Variants in RBFOX3 observed in about 807,000 individuals in gnomAD.
The protein encoded by RBFOX3 is RNA binding protein fox-1 homolog 3.
RBFOX3 carries 17 observed loss-of-function variants against 48.7 expected under a neutral mutation model. That is an observed-to-expected ratio of 0.35 (90% CI 0.24 to 0.52). The LOEUF (loss-of-function observed/expected upper bound fraction) is 0.52. RBFOX3 is among the 20% of genes least tolerant of loss of function. The pLI is 0.94. For synonymous variants in RBFOX3, 212 were observed against 209.5 expected (o/e 1.01, Z -0.10); for missense variants, 382 against 497.5 (o/e 0.77, Z 2.21).
In RBFOX3 at chr17:79,248,571, C is replaced by T. The variant is rs73999913; in HGVS notation, c.-73-12766G>A. 6.8e-3 allele frequency among the ~76,000 whole-genome samples: 1,039 copies of T among 152,342 alleles called. 16 individuals are homozygous for T. The highest frequency in any genetic ancestry group is 0.023 in the African/African-American group (967 of 41,578). ...CACTCCCCAACCTAAGCTAGTTTCCCTGGGAGGTAACGATTTTTGAAACAA... is the reference window on the plus strand; with the variant it reads ...CACTCCCCAACCTAAGCTAGTTTCCTTGGGAGGTAACGATTTTTGAAACAA... On this transcript the variant is annotated intron_variant, in intron 3 of 14. Coordinates refer to ENST00000693108, the MANE Select transcript of RBFOX3 (RefSeq NM_001350451.2).
At chr17:79,238,864 C>T (rs765914114) in intron 3 of RBFOX3, among the ~76,000 whole-genome samples, 8 of 152,128 alleles carry the variant, frequency 5.3e-5, no homozygotes, top group Non-Finnish European at 1.2e-4. Flanking sequence ...TTGAAAGCTC[C>T]AGAACTAGAG....
the RBFOX3 span, among the ~76,000 whole-genome samples, chr17:79,618,707 C>T: frequency 1.6e-4 from 24 of 152,296 alleles, no homozygotes; most frequent in South Asian, 1.5e-3. Context: ...CATCTGGATA[C>T]GCGCTGGAAA....
chr17:79,165,783 TA>T lies in RBFOX3; in HGVS notation c.-33-50036del, dbSNP rs2047874572. ...AAGTCAGGCCAGGTCACAGGATCAT[TA>T]GGGGCTGAGTCCTGGTTTGGGGGTC... On this transcript the variant is annotated intron_variant, in intron 4 of 14. Coordinates refer to ENST00000693108, the MANE Select transcript of RBFOX3 (RefSeq NM_001350451.2). Among the ~76,000 whole-genome samples, 4 of 152,170 alleles carry T rather than the reference TA, an allele frequency of 2.6e-5. 1 individual carries two copies. Among genetic ancestry groups the T allele is most frequent in the Admixed American group, 6.5e-5 (1 of 15,288 alleles).
intron 2 of RBFOX3, among the ~76,000 whole-genome samples, chr17:79,380,760 C>T (rs547683087): frequency 4.6e-5 from 7 of 152,242 alleles, no homozygotes; most frequent in East Asian, 1.9e-4. Flanking sequence ...GTTCTACCTG[C>T]GTGCTCTGGT....
At chr17:79,262,421 A>G (rs2065937901) in intron 3 of RBFOX3, among the ~76,000 whole-genome samples, 1 of 152,272 alleles carries the variant, frequency 6.6e-6, no homozygotes, top group African/African-American at 2.4e-5. Flanking sequence ...CCCTGCCAGG[A>G]CTTGCACATT....
intron 2 of RBFOX3, among the ~76,000 whole-genome samples, chr17:79,455,661 A>G (rs1187064543): frequency 6.6e-6 from 1 of 152,094 alleles, no homozygotes; most frequent in Non-Finnish European, 1.5e-5. Flanking sequence ...ACATTCATTC[A>G]CACACACACT....
chr17:79,233,888 T>G (rs965577099), intron 4 of RBFOX3: 3 of 152,322 alleles, frequency 2.0e-5, no homozygotes, highest in Admixed American at 6.5e-5. Flanking sequence ...ATTACAGGCG[T>G]GAGCCACCGC....
intron 4 of RBFOX3, among the ~76,000 whole-genome samples, chr17:79,211,920 G>A (rs112352016): frequency 3.7e-4 from 56 of 152,240 alleles, no homozygotes; most frequent in African/African-American, 1.3e-3. Context: ...TGCTGGGCAC[G>A]GGGATACGTG....
At chr17:79,584,881 T>C (rs1378703174) in intron 1 of RBFOX3, among the ~76,000 whole-genome samples, 1 of 152,060 alleles carries the variant, frequency 6.6e-6, no homozygotes, top group Admixed American at 6.6e-5. Context: ...TTCTCCTGCC[T>C]CAGCCTCCCA....
intron 2 of RBFOX3, among the ~76,000 whole-genome samples, chr17:79,467,141 G>A (rs1250822866): frequency 1.3e-5 from 2 of 152,090 alleles, no homozygotes; most frequent in African/African-American, 2.4e-5. Context: ...TGCCAGGTCT[G>A]GGTCCGGGAG....
intron 4 of RBFOX3, among the ~76,000 whole-genome samples, chr17:79,141,144 C>T (rs913942035): frequency 4.6e-5 from 7 of 152,308 alleles, no homozygotes; most frequent in Non-Finnish European, 7.4e-5. Flanking sequence ...ACAGGCAGAA[C>T]GGAGGCCTGA....
chr17:79,128,749 G>A (rs2038004256), intron 4 of RBFOX3, among the ~76,000 whole-genome samples: 1 of 152,192 alleles, frequency 6.6e-6, no homozygotes, highest in South Asian at 2.1e-4. Context: ...GCCAGGACGG[G>A]CAGCTCAGGA....
intron 1 of RBFOX3, chr17:79,603,701 C>A (rs1460188826): frequency 6.6e-5 from 10 of 152,286 alleles, no homozygotes; most frequent in Non-Finnish European, 1.5e-4. Context: ...CCCTTCCGAA[C>A]CCTAGCAACA....
chr17:79,167,518 T>A (rs1187362782), intron 4 of RBFOX3, among the ~76,000 whole-genome samples: 1 of 151,864 alleles, frequency 6.6e-6, no homozygotes, highest in Non-Finnish European at 1.5e-5. Context: ...GGTCATGGAG[T>A]CCTTTCCTGG....
At chr17:79,502,530 C>T (rs2082523514) in intron 1 of RBFOX3, among the ~76,000 whole-genome samples, 1 of 152,136 alleles carries the variant, frequency 6.6e-6, no homozygotes, top group Non-Finnish European at 1.5e-5. Flanking sequence ...CATATTTTAC[C>T]ACAGTAAAAA....
intron 4 of RBFOX3, among the ~76,000 whole-genome samples, chr17:79,176,823 A>T (rs1393197645): frequency 1.3e-5 from 2 of 152,146 alleles, no homozygotes; most frequent in African/African-American, 4.8e-5. Context: ...GTGAAAAGGG[A>T]GAAGATTAAA....
intron 2 of RBFOX3, among the ~76,000 whole-genome samples, chr17:79,452,730 A>G (rs963455316): frequency 2.6e-5 from 4 of 152,160 alleles, no homozygotes; most frequent in Non-Finnish European, 5.9e-5. Flanking sequence ...GCCCCTGCCA[A>G]CTGCTGGAGA....
intron 1 of RBFOX3, among the ~76,000 whole-genome samples, chr17:79,561,373 G>A (rs2092203993): frequency 6.6e-6 from 1 of 152,018 alleles, no homozygotes; most frequent in Non-Finnish European, 1.5e-5. Context: ...CCTTCCCCAG[G>A]CTCTCCAAAT....
chr17:79,236,445 C>T (rs1440493750), intron 3 of RBFOX3, among the ~76,000 whole-genome samples: 2 of 152,210 alleles, frequency 1.3e-5, no homozygotes, highest in Admixed American at 6.5e-5. Context: ...TGTGCCACCC[C>T]GCCCAGCTAA....
Sources: gnomAD v4.1 joint callset for allele counts (sites outside exome capture counted in the v4.1 genomes callset) on GRCh38, gnomAD v4.1.1 for gene constraint, MANE v1.5 for transcripts, NCBI Gene and HGNC (gene_info 2026-07-23, HGNC 2026-07-21) for gene names.